Variants in ARHGAP26 observed in about 807,000 individuals in gnomAD.
The protein encoded by ARHGAP26 is Rho GTPase activating protein 26.
In ARHGAP26, 38 loss-of-function variants were observed where a neutral mutation model predicts 104.8. The observed-to-expected ratio is 0.36, with a 90% CI of 0.28 to 0.48. The LOEUF (loss-of-function observed/expected upper bound fraction) is 0.48, where lower values mean the gene tolerates loss of function less well. Ranked by LOEUF, ARHGAP26 falls within the 20% of genes least tolerant of loss-of-function variation. ARHGAP26 has a pLI of 0.99. For synonymous variants in ARHGAP26, 341 were observed against 340.0 expected, an observed-to-expected ratio of 1.00 and a Z score of -0.03; for missense variants, 704 against 947.9, an observed-to-expected ratio of 0.74 and a Z score of 3.38.
At chr5:142,977,300 T>A (rs1773241154) in intron 11 of ARHGAP26, among the ~76,000 whole-genome samples, 2 of 152,112 alleles carry the variant, frequency 1.3e-5, no homozygotes, top group Non-Finnish European at 2.9e-5. Flanking sequence ...GGTTCTTCCT[T>A]GAGATTATGG....
intron 1 of ARHGAP26, among the ~76,000 whole-genome samples, chr5:142,820,299 A>G (rs747046004): frequency 1.3e-5 from 2 of 152,216 alleles, no homozygotes; most frequent in Admixed American, 6.5e-5. Flanking sequence ...TTTCTTGTTA[A>G]GAGTTTTTGA....
At chr5:142,888,375 G>A (rs191993896) in intron 5 of ARHGAP26, among the ~76,000 whole-genome samples, 1 of 152,192 alleles carries the variant, frequency 6.6e-6, no homozygotes, top group Non-Finnish European at 1.5e-5. Flanking sequence ...AGAGAGGGAA[G>A]GACCTTAGTG....
At chr5:142,800,024 A>G (rs1245597706) in intron 1 of ARHGAP26, among the ~76,000 whole-genome samples, 1 of 152,216 alleles carries the variant, frequency 6.6e-6, no homozygotes, top group African/African-American at 2.4e-5. Context: ...CTTTTGACTC[A>G]TTGGTACAAA....
chr5:142,898,177 C>T (rs79128277), intron 6 of ARHGAP26, among the ~76,000 whole-genome samples: 7 of 48,828 alleles, frequency 1.4e-4, no homozygotes, highest in South Asian at 1.6e-3. Context: ...CACACACATA[C>T]ACACACACAC....
intron 1 of ARHGAP26, among the ~76,000 whole-genome samples, chr5:142,840,639 T>A (rs1770590297): frequency 6.6e-6 from 1 of 152,172 alleles, no homozygotes; most frequent in Admixed American, 6.5e-5. Context: ...GTTGTCATCG[T>A]CTTATTTGAG....
At chr5:143,125,761 A>G (rs188861081) in intron 18 of ARHGAP26, among the ~76,000 whole-genome samples, 1 of 152,330 alleles carries the variant, frequency 6.6e-6, no homozygotes, top group East Asian at 1.9e-4. Context: ...ACTTTTACTT[A>G]CAGCTTATTG....
At chr5:142,881,282 G>A (rs575959111) in intron 4 of ARHGAP26, among the ~76,000 whole-genome samples, 2 of 152,298 alleles carry the variant, frequency 1.3e-5, no homozygotes, top group East Asian at 3.9e-4. Context: ...GAGCACAGAT[G>A]CCTCTCTCTC....
At chr5:142,830,073 G>A (rs1768091936) in intron 1 of ARHGAP26, among the ~76,000 whole-genome samples, 1 of 152,226 alleles carries the variant, frequency 6.6e-6, no homozygotes, top group Admixed American at 6.5e-5. Flanking sequence ...GTTTATTGGT[G>A]TGAGTTAAGT....
chr5:142,793,984 G>A (rs1350367715), intron 1 of ARHGAP26, among the ~76,000 whole-genome samples: 2 of 152,218 alleles, frequency 1.3e-5, no homozygotes, highest in African/African-American at 4.8e-5. Context: ...ACCAATCCAA[G>A]CGGCTTAAAC....
At chr5:142,891,705 T>C (rs1295752640) in intron 5 of ARHGAP26, among the ~76,000 whole-genome samples, 2 of 151,952 alleles carry the variant, frequency 1.3e-5, no homozygotes, top group Non-Finnish European at 1.5e-5. Context: ...GAAAGAAATA[T>C]GCCTTTGGGA....
intron 14 of ARHGAP26, among the ~76,000 whole-genome samples, chr5:143,050,257 C>CT (rs1784815313): frequency 6.6e-6 from 1 of 152,074 alleles, no homozygotes; most frequent in African/African-American, 2.4e-5. Context: ...ATTTGTGTCC[C>CT]TTTTTTGTGT....
At chr5:142,845,107 A>C (rs183999985) in intron 1 of ARHGAP26, among the ~76,000 whole-genome samples, 6 of 152,292 alleles carry the variant, frequency 3.9e-5, no homozygotes, top group Admixed American at 3.9e-4. Context: ...GAGGAGCTGC[A>C]GCTCTTGAGG....
intron 1 of ARHGAP26, among the ~76,000 whole-genome samples, chr5:142,872,659 A>T (rs182313197): frequency 3.3e-5 from 5 of 152,298 alleles, no homozygotes; most frequent in Non-Finnish European, 7.3e-5. Context: ...TTTTAATGAT[A>T]AGGGCTCTTG....
At position 142,969,203 on chromosome 5, in the gene ARHGAP26, A is replaced by C. The variant is rs536805741; in HGVS notation, c.1107+37078A>C. 3 of 152,380 alleles carry C rather than the reference A, an allele frequency of 2.0e-5. No individual in the cohort carries two copies. In the East Asian group the frequency reaches 5.8e-4, roughly 29 times the overall value. 9.4% of individuals were successfully genotyped at this position (152,380 alleles called of 1,614,324 possible). On this transcript the variant is annotated intron_variant, in intron 11 of 22. Coordinates refer to ENST00000645722, the MANE Select transcript of ARHGAP26 (RefSeq NM_001135608.3). ...CAATCTGCCCACCTCAGCCTACCAA[A>C]GTGCTGGGATAACAGGTATGAGCCA...
intron 11 of ARHGAP26, among the ~76,000 whole-genome samples, chr5:142,959,385 G>C (rs941372046): frequency 6.6e-6 from 1 of 152,214 alleles, no homozygotes; most frequent in Non-Finnish European, 1.5e-5. Context: ...TGCTGTGTGT[G>C]TGTCCTCTGC....
At position 143,228,244 on chromosome 5, in the gene ARHGAP26, T is replaced by C. The variant is rs1811815269; in HGVS notation, c.*5798T>C. The C allele has an allele frequency of 4.5e-6, 1 of 223,924 alleles. No homozygotes were observed. The highest frequency in any genetic ancestry group is 1.8e-4 in the South Asian group (1 of 5,442). The allele number at this position is 223,924 out of a possible 1,614,324, so 13.9% of individuals were successfully genotyped here. ...TGATTCTAAAGTATATTTATGTGTG[T>C]GTGTATGTGTGTGTATACAGCACAT... On this transcript the variant is annotated 3_prime_UTR_variant, in exon 23 of 23. Coordinates refer to ENST00000645722, the MANE Select transcript of ARHGAP26 (RefSeq NM_001135608.3).
intron 17 of ARHGAP26, among the ~76,000 whole-genome samples, chr5:143,069,261 G>A (rs759794465): frequency 1.3e-5 from 2 of 151,888 alleles, no homozygotes; most frequent in East Asian, 1.9e-4. Flanking sequence ...TCTTCTCCCC[G>A]AAATGTAAGC....
rs76448152 is a variant in ARHGAP26, at chr5:142,866,618, C to T, written c.155-6782C>T. On this transcript the variant is annotated intron_variant, in intron 1 of 22. Coordinates refer to ENST00000645722, the MANE Select transcript of ARHGAP26 (RefSeq NM_001135608.3). ...AAACCTCATTTTGGAAAGAGGAGCACGTCTTTATTCTACTTGATTTCATTT... is the reference window on the plus strand; with the variant it reads ...AAACCTCATTTTGGAAAGAGGAGCATGTCTTTATTCTACTTGATTTCATTT... Among the ~76,000 whole-genome samples, 311 of 152,210 alleles carry T rather than the reference C, an allele frequency of 2.0e-3. 10 individuals are homozygous for T. In the East Asian group the frequency reaches 0.046, roughly 23 times the overall value.
At chr5:143,066,682 G>T (rs1787542136) in intron 17 of ARHGAP26, among the ~76,000 whole-genome samples, 1 of 152,188 alleles carries the variant, frequency 6.6e-6, no homozygotes, top group African/African-American at 2.4e-5. Flanking sequence ...AACCCTGAGG[G>T]CTGGATGCTG....
Sources: allele counts gnomAD v4.1 joint callset (sites outside exome capture counted in the v4.1 genomes callset), GRCh38; gene constraint gnomAD v4.1.1; transcripts MANE v1.5; gene names NCBI Gene and HGNC (gene_info 2026-07-23, HGNC 2026-07-21).